PARD3B: variants seen among roughly 807,000 people sequenced by gnomAD.
PARD3B encodes par-3 family cell polarity regulator beta.
In PARD3B, 103 loss-of-function variants were observed where a neutral mutation model predicts 130.2. The ratio of observed to expected loss-of-function variants is 0.79; its 90% CI spans 0.67 to 0.93. PARD3B has a LOEUF of 0.93. Ranked by LOEUF, PARD3B falls within the 40% of genes least tolerant of loss-of-function variation. PARD3B has a pLI of 0.00. For synonymous variants in PARD3B, 583 were observed against 553.2 expected (o/e 1.05, Z -0.76); for missense variants, 1,609 against 1,499.2 (o/e 1.07, Z -1.21).
chr2:205,255,683 C>A (rs947989699), intron 16 of PARD3B, among the ~76,000 whole-genome samples: 4 of 152,068 alleles, frequency 2.6e-5, no homozygotes, highest in African/African-American at 9.7e-5. Flanking sequence ...CTTACTTAGG[C>A]TTACTCATTT....
chr2:204,983,040 T>C (rs1692810193), intron 3 of PARD3B, among the ~76,000 whole-genome samples: 1 of 152,170 alleles, frequency 6.6e-6, no homozygotes, highest in Admixed American at 6.5e-5. Flanking sequence ...ATCTGGATGA[T>C]TGCCTCCATT....
Position 204,870,365 on chromosome 2 carries a change from T to TTAATTTGA in PARD3B, c.223-94787_223-94786insTAATTTGA, listed in dbSNP as rs1041755641. Among the ~76,000 whole-genome samples the TTAATTTGA allele has an allele frequency of 8.5e-5, 13 of 152,306 alleles. No homozygotes were observed. In the Middle Eastern group the frequency reaches 0.01, roughly 120 times the overall value. Reference sequence around the variant, plus strand: ...TGATGTTAATTAATTTGAAAGTTGCTAAGAGTCCCTATCAAATGCCTGTGC... The same window carrying TTAATTTGA: ...TGATGTTAATTAATTTGAAAGTTGCTTAATTTGAAAGAGTCCCTATCAAATGCCTGTGC... On this transcript the variant is annotated intron_variant, in intron 2 of 22. Coordinates refer to ENST00000406610, the MANE Select transcript of PARD3B (RefSeq NM_001302769.2).
chr2:204,811,375 A>G (rs879065617), intron 2 of PARD3B, among the ~76,000 whole-genome samples: 4 of 152,130 alleles, frequency 2.6e-5, no homozygotes, highest in Non-Finnish European at 5.9e-5. Flanking sequence ...TACTTTATCA[A>G]ACTCTACTGG....
chr2:204,637,049 C>T (rs1325253387), intron 1 of PARD3B, among the ~76,000 whole-genome samples: 1 of 151,980 alleles, frequency 6.6e-6, no homozygotes, highest in African/African-American at 2.4e-5. Context: ...AACACTTAAT[C>T]CCTTTATTCT....
At chr2:204,774,715 A>T (rs1272148676) in intron 2 of PARD3B, among the ~76,000 whole-genome samples, 1 of 152,152 alleles carries the variant, frequency 6.6e-6, no homozygotes, top group Admixed American at 6.6e-5. Flanking sequence ...CATAGTAAGA[A>T]TACCTTTGCA....
At chr2:204,739,435 G>T (rs2039900953) in intron 2 of PARD3B, among the ~76,000 whole-genome samples, 1 of 151,934 alleles carries the variant, frequency 6.6e-6, no homozygotes, top group Non-Finnish European at 1.5e-5. Flanking sequence ...GTGTGTGGGG[G>T]TTTCATCATC....
intron 15 of PARD3B, among the ~76,000 whole-genome samples, chr2:205,242,793 T>A (rs1161759025): frequency 6.6e-6 from 1 of 152,200 alleles, no homozygotes; most frequent in Non-Finnish European, 1.5e-5. Context: ...AAAGTGCTTT[T>A]GTACATTTTT....
chr2:204,779,218 C>A (rs756419042), intron 2 of PARD3B, among the ~76,000 whole-genome samples: 5 of 152,222 alleles, frequency 3.3e-5, no homozygotes, highest in Middle Eastern at 3.4e-3. Flanking sequence ...TTCTTCCATA[C>A]TTTACCTTCT....
chr2:205,154,790 G>A (rs1168994659), intron 10 of PARD3B, among the ~76,000 whole-genome samples: 11 of 152,196 alleles, frequency 7.2e-5, no homozygotes, highest in South Asian at 4.2e-4. Flanking sequence ...GCAAACTATC[G>A]CAAGGACAGA....
intron 2 of PARD3B, among the ~76,000 whole-genome samples, chr2:204,800,264 A>G (rs577999380): frequency 2.0e-5 from 3 of 152,320 alleles, no homozygotes; most frequent in African/African-American, 7.2e-5. Context: ...GAGTCTCTCA[A>G]AAGCAAAACT....
intron 2 of PARD3B, among the ~76,000 whole-genome samples, chr2:204,794,324 G>T (rs370171812): frequency 2.0e-5 from 3 of 152,254 alleles, no homozygotes; most frequent in South Asian, 4.2e-4. Flanking sequence ...TTTTAAGTTT[G>T]ATATTTATAA....
At chr2:204,811,405 G>A (rs1205639581) in intron 2 of PARD3B, among the ~76,000 whole-genome samples, 1 of 152,094 alleles carries the variant, frequency 6.6e-6, no homozygotes, top group Non-Finnish European at 1.5e-5. Flanking sequence ...ACTACATGAT[G>A]TTTGAAATGT....
intron 3 of PARD3B, among the ~76,000 whole-genome samples, chr2:204,980,655 C>A (rs1198815085): frequency 2.6e-5 from 4 of 152,144 alleles, no homozygotes; most frequent in Admixed American, 1.3e-4. Context: ...TATTCTTCCT[C>A]CAAATCCATA....
intron 1 of PARD3B, among the ~76,000 whole-genome samples, chr2:204,580,804 A>G (rs1316743703): frequency 6.6e-6 from 1 of 152,234 alleles, no homozygotes; most frequent in Non-Finnish European, 1.5e-5. Context: ...TCTCTCTAAT[A>G]ACAATCTGCG....
chr2:205,422,883 G>A (rs946476152), intron 19 of PARD3B, among the ~76,000 whole-genome samples: 1 of 99,786 alleles, frequency 1.0e-5, no homozygotes, highest in East Asian at 3.0e-4. Flanking sequence ...AGATCAGACA[G>A]TAGGCTCCCA....
At chr2:205,109,855 T>C (rs1456761186) in intron 5 of PARD3B, among the ~76,000 whole-genome samples, 1 of 152,022 alleles carries the variant, frequency 6.6e-6, no homozygotes, top group African/African-American at 2.4e-5. Context: ...TGTTTCTCCA[T>C]GGTGGCCAGG....
At chr2:204,566,412 T>C (rs1295106269) in intron 1 of PARD3B, among the ~76,000 whole-genome samples, 1 of 152,244 alleles carries the variant, frequency 6.6e-6, no homozygotes, top group Non-Finnish European at 1.5e-5. Context: ...ATGTCAGTGG[T>C]ACAAAGTTTT....
rs763744956 is a variant in PARD3B, at chr2:204,904,044, T to A, written c.223-61108T>A. ...ACATAAGAGTTTTGAAATCTTCCCATCAGAGTATATTGCACCTTTAGCATA... is the reference window on the plus strand; with the variant it reads ...ACATAAGAGTTTTGAAATCTTCCCAACAGAGTATATTGCACCTTTAGCATA... On this transcript the variant is annotated intron_variant, in intron 2 of 22. Coordinates refer to ENST00000406610, the MANE Select transcript of PARD3B (RefSeq NM_001302769.2). Among the ~76,000 whole-genome samples the A allele has an allele frequency of 2.0e-5, 3 of 152,314 alleles. No homozygotes were observed. The Middle Eastern group carries it at 0.01, about 518-fold the overall frequency.
intron 2 of PARD3B, among the ~76,000 whole-genome samples, chr2:204,717,434 A>G (rs973080946): frequency 1.3e-5 from 2 of 152,130 alleles, no homozygotes; most frequent in African/African-American, 4.8e-5. Context: ...CACCTTTTTA[A>G]AACTCTCATC....
Sources: allele counts gnomAD v4.1 joint callset (sites outside exome capture counted in the v4.1 genomes callset), GRCh38; gene constraint gnomAD v4.1.1; transcripts MANE v1.5; gene names NCBI Gene and HGNC (gene_info 2026-07-23, HGNC 2026-07-21).